LEMD1: variants seen among roughly 807,000 people sequenced by gnomAD.
LEMD1 encodes LEM domain containing 1.
LEMD1 carries 18 observed loss-of-function variants against 17.4 expected under a neutral mutation model. The observed-to-expected ratio is 1.04, with a 90% CI of 0.72 to 1.54. LEMD1 has a LOEUF of 1.54. Ranked by LOEUF, LEMD1 falls within the 40% of genes most tolerant of loss-of-function variation. The probability of loss-of-function intolerance (pLI) is 0.00; values close to 1 mark genes in which losing one functional copy is unlikely to be tolerated. For synonymous variants in LEMD1, 88 were observed against 77.8 expected (o/e 1.13, Z -0.69); for missense variants, 195 against 210.4 (o/e 0.93, Z 0.45).
rs1295418811 is a variant in LEMD1, at chr1:205,411,472, C to T, written c.270+4760G>A. On this transcript the variant is annotated intron_variant, in intron 4 of 5. Transcript: ENST00000367153. ...CGGAGAGGCAGAGGCAGGAGAATGGCGTGAACCCGGGAGGCGGAGCTTGCA... is the reference window on the plus strand; with the variant it reads ...CGGAGAGGCAGAGGCAGGAGAATGGTGTGAACCCGGGAGGCGGAGCTTGCA... Among the ~76,000 whole-genome samples the T allele has an allele frequency of 6.7e-5, 10 of 150,166 alleles. 1 individual carries two copies. The highest frequency in any genetic ancestry group is 4.2e-4 in the South Asian group (2 of 4,740).
chr1:205,425,886 C>T (rs909674988), upstream of LEMD1, among the ~76,000 whole-genome samples: 2 of 151,992 alleles, frequency 1.3e-5, no homozygotes, highest in Non-Finnish European at 2.9e-5. Context: ...TTAGTAAATT[C>T]TTTTTATATG....
chr1:205,444,054 A>AG (rs1359793955), intron 1 of LEMD1, among the ~76,000 whole-genome samples: 2 of 151,956 alleles, frequency 1.3e-5, no homozygotes, highest in Non-Finnish European at 2.9e-5. Flanking sequence ...CGTCTATTTG[A>AG]GGGGGAGGAG....
intron 4 of LEMD1, among the ~76,000 whole-genome samples, chr1:205,415,766 C>T (rs1665666217): frequency 6.6e-6 from 1 of 152,176 alleles, no homozygotes; most frequent in Non-Finnish European, 1.5e-5. Context: ...AAATCCTAAG[C>T]CAGTTAGGCC....
chr1:205,419,084 G>T (rs998073474), intron 3 of LEMD1, 146 bp downstream of exon 3: 2 of 827,788 alleles, frequency 2.4e-6, no homozygotes, highest in Non-Finnish European at 3.7e-6. Context: ...CAGCCCAGGG[G>T]CCTATTTTCC....
At chr1:205,436,434 C>T (rs1407716838) in intron 1 of LEMD1, 3 of 152,212 alleles carry the variant, frequency 2.0e-5, no homozygotes, top group Admixed American at 1.3e-4. Flanking sequence ...AGTTCCTATC[C>T]CATGGAAATT....
intron 4 of LEMD1, among the ~76,000 whole-genome samples, chr1:205,411,646 A>G (rs1665444584): frequency 9.6e-6 from 1 of 104,568 alleles, no homozygotes; most frequent in Admixed American, 1.2e-4. Context: ...AGGAAAAGAG[A>G]AAGAAAGGAA....
In LEMD1 at chr1:205,393,473, C is replaced by T. The variant is rs549932236; in HGVS notation, c.271-9109G>A. On this transcript the variant is annotated intron_variant, in intron 4 of 5. Transcript: ENST00000367153. The stretch of plus-strand genomic sequence containing the variant: ...GATGGATCACTTCAGGTTAGGAGTT[C>T]GAGACCAGCCTGGCCAACATGGTGA... 3.2e-3 allele frequency among the ~76,000 whole-genome samples: 488 copies of T among 151,580 alleles called. 2 individuals carry two copies. Among genetic ancestry groups the T allele is most frequent in the African/African-American group, 0.011 (469 of 41,312 alleles).
At chr1:205,420,641 C>T (rs2102442241) in intron 1 of LEMD1, 67 bp from the exon 2 acceptor site, 1 of 865,408 alleles carries the variant, frequency 1.2e-6, no homozygotes, top group South Asian at 1.4e-5. Context: ...TGTTACCAAT[C>T]CACATAAGTG....
upstream of LEMD1, among the ~76,000 whole-genome samples, chr1:205,423,371 G>A (rs914515013): frequency 6.6e-6 from 1 of 152,210 alleles, no homozygotes; most frequent in East Asian, 1.9e-4. Flanking sequence ...TGATAGGCTT[G>A]GGTTATTAGG....
chr1:205,413,621 T>C (rs865823376), intron 4 of LEMD1, among the ~76,000 whole-genome samples: 1 of 126,576 alleles, frequency 7.9e-6, no homozygotes, highest in African/African-American at 3.3e-5. Flanking sequence ...TTTGGAGATA[T>C]GAGGTGTTGC....
intron 1 of LEMD1, among the ~76,000 whole-genome samples, chr1:205,421,593 C>T (rs1665962368): frequency 6.6e-6 from 1 of 152,182 alleles, no homozygotes; most frequent in African/African-American, 2.4e-5. Flanking sequence ...CCTAGTTTGA[C>T]AGTTCTCTAC....
rs185394414 is a variant in LEMD1, at chr1:205,448,794, G to T, written c.-39+1074C>A. 6.0e-4 allele frequency among the ~76,000 whole-genome samples: 92 copies of T among 152,316 alleles called. No individual in the cohort carries two copies. Among genetic ancestry groups the T allele is most frequent in the African/African-American group, 2.2e-3 (92 of 41,570 alleles). On this transcript the variant is annotated intron_variant, in intron 1 of 3. Coordinates refer to the LEMD1 transcript ENST00000367154. This position sits in a 1 kb window ranked among gnomAD's most constrained non-coding sequence, Gnocchi z 4.7. ...CCAGTACCCAGGATGGGGGGCCCCA[G>T]GTTAGGCTCCCTCTTTACAAAGCTT...
At chr1:205,429,862 C>T (rs2102452720) in intron 1 of LEMD1, among the ~76,000 whole-genome samples, 1 of 152,248 alleles carries the variant, frequency 6.6e-6, no homozygotes, top group South Asian at 2.1e-4. Context: ...GCTGCTCTCA[C>T]TCCTCATCCC....
intron 4 of LEMD1, among the ~76,000 whole-genome samples, chr1:205,413,696 A>T (rs368226190): frequency 9.4e-5 from 13 of 138,558 alleles, no homozygotes; most frequent in Admixed American, 2.4e-4. Flanking sequence ...TCTGTCACCC[A>T]AGCTGGAGTG....
At chr1:205,447,014 G>A (rs1666403781) in intron 1 of LEMD1, among the ~76,000 whole-genome samples, 1 of 152,336 alleles carries the variant, frequency 6.6e-6, no homozygotes, top group African/African-American at 2.4e-5. Flanking sequence ...GCCAATTTGT[G>A]GACGTGCATC....
At chr1:205,398,794 A>C (rs533357615) in intron 4 of LEMD1, among the ~76,000 whole-genome samples, 13 of 152,192 alleles carry the variant, frequency 8.5e-5, no homozygotes, top group Non-Finnish European at 1.8e-4. Flanking sequence ...GAGGGGAAGG[A>C]AGAGGGCTCT....
intron 4 of LEMD1, among the ~76,000 whole-genome samples, chr1:205,400,084 T>C (rs1002008835): frequency 1.3e-5 from 2 of 152,206 alleles, no homozygotes; most frequent in African/African-American, 4.8e-5. Context: ...TTATTTTGTT[T>C]TGACACAGGG....
chr1:205,433,825 G>A (rs1411522787), intron 1 of LEMD1, among the ~76,000 whole-genome samples: 1 of 151,974 alleles, frequency 6.6e-6, no homozygotes. Flanking sequence ...TCAATCCACC[G>A]CTCTAAACAA....
chr1:205,407,329 CAAA>C (rs1202450022), intron 4 of LEMD1, among the ~76,000 whole-genome samples: 22 of 55,260 alleles, frequency 4.0e-4, no homozygotes, highest in African/African-American at 9.1e-4. Context: ...GACCCCATCT[CAAA>C]AAAAAAAAAA....
Sources: gnomAD v4.1 joint callset for allele counts (sites outside exome capture counted in the v4.1 genomes callset) on GRCh38, gnomAD v4.1.1 for gene constraint, Gnocchi (gnomAD v3.1) non-coding constraint, MANE v1.5 for transcripts, NCBI Gene and HGNC (gene_info 2026-07-23, HGNC 2026-07-21) for gene names.